The following FAM47E variants were observed in gnomAD, a reference collection of about 807,000 sequenced individuals.
The protein encoded by FAM47E is family with sequence similarity 47 member E.
Under a neutral mutation model 41.6 loss-of-function variants are expected in FAM47E, and 32 were observed. The observed-to-expected ratio is 0.77, with a 90% CI of 0.58 to 1.03. FAM47E has a LOEUF of 1.03. Ranked by LOEUF, FAM47E falls within the 50% of genes least tolerant of loss-of-function variation. The pLI, the probability that FAM47E is intolerant of heterozygous loss-of-function variation, is 0.00. For synonymous variants in FAM47E, 184 were observed against 188.7 expected (o/e 0.98, Z 0.20); for missense variants, 424 against 485.4 (o/e 0.87, Z 1.19).
At chr4:76,251,464 C>T (rs146916148), upstream of FAM47E, among the ~76,000 whole-genome samples, 14 of 152,286 alleles carry the variant, frequency 9.2e-5, no homozygotes, top group Non-Finnish European at 1.9e-4. Flanking sequence ...GAGCAAAAAA[C>T]GCCTGATCCA....
exon 1 of FAM47E, chr4:76,214,165 G>A (rs1578745121): frequency 2.2e-6 from 1 of 451,518 alleles, no homozygotes; most frequent in Non-Finnish European, 4.4e-6. Flanking sequence ...GGGATTCAAG[G>A]TGGCTGGGAC....
At chr4:76,249,210 A>C (rs1733898308), upstream of FAM47E, among the ~76,000 whole-genome samples, 1 of 152,134 alleles carries the variant, frequency 6.6e-6, no homozygotes, top group Non-Finnish European at 1.5e-5. Flanking sequence ...CCTGGGCAAC[A>C]GAGTGAGACT....
intron 2 of FAM47E, among the ~76,000 whole-genome samples, chr4:76,226,220 T>C (rs943779758): frequency 6.6e-6 from 1 of 152,090 alleles, no homozygotes; most frequent in African/African-American, 2.4e-5. Context: ...TACTATTTAC[T>C]GGTAATCAAA....
Position 76,221,715 on chromosome 4 carries a change from C to G in FAM47E, c.81+4027C>G, listed in dbSNP as rs1297140047. ...TAAAGAGCTAAGCATCAAACACACA[C>G]GGACACAAAGATGGGAACAATTGAC... On this transcript the variant is annotated intron_variant, in intron 2 of 7. Transcript: ENST00000510197. Among the ~76,000 whole-genome samples the G allele has an allele frequency of 2.0e-5, 3 of 152,154 alleles. No individual in the cohort carries two copies. In the South Asian group the frequency reaches 6.2e-4, roughly 32 times the overall value.
intron 5 of FAM47E, among the ~76,000 whole-genome samples, chr4:76,274,983 C>T (rs897681488): frequency 1.5e-4 from 23 of 152,208 alleles, no homozygotes; most frequent in African/African-American, 4.3e-4. Context: ...CTAGGGCAGT[C>T]GTGAGGCTTA....
intron 6 of FAM47E, chr4:76,279,350 G>T (rs1735256260): frequency 2.0e-5 from 3 of 152,108 alleles, no homozygotes; most frequent in Admixed American, 2.0e-4. Context: ...GGTATCTAGA[G>T]TTCTCTTTTT....
chr4:76,251,970 G>C (rs1402157860), intron 1 of FAM47E, 150 bp downstream of exon 1: 1 of 1,107,102 alleles, frequency 9.0e-7, no homozygotes, highest in Non-Finnish European at 1.2e-6. Context: ...ATAATACGCT[G>C]AGATAACCAA....
Position 76,230,005 on chromosome 4 carries a change from G to A in FAM47E, c.81+12317G>A, listed in dbSNP as rs113429997. Among the ~76,000 whole-genome samples the A allele has an allele frequency of 5.8e-3, 886 of 152,308 alleles. 11 individuals carry two copies. Among genetic ancestry groups the A allele is most frequent in the African/African-American group, 0.02 (830 of 41,548 alleles). ...GTGCTTTCAAGAGAGCACCAGCTAC[G>A]ATAGTAGAATGGGGATATAAGCTTG... On this transcript the variant is annotated intron_variant, in intron 2 of 7. Coordinates refer to the FAM47E transcript ENST00000510197.
intron 1 of FAM47E, among the ~76,000 whole-genome samples, chr4:76,255,700 A>G (rs1010472428): frequency 7.9e-5 from 12 of 152,258 alleles, no homozygotes; most frequent in Non-Finnish European, 1.8e-4. Context: ...GCGAATGGAG[A>G]GATGAAATGT....
chr4:76,266,822 G>A (rs1446149796), intron 3 of FAM47E, among the ~76,000 whole-genome samples: 2 of 152,098 alleles, frequency 1.3e-5, no homozygotes, highest in Non-Finnish European at 2.9e-5. Flanking sequence ...TCCGCTCCAC[G>A]GGACTTTGTG....
At chr4:76,237,373 G>GTT (rs766894880) in intron 2 of FAM47E, among the ~76,000 whole-genome samples, 2,586 of 126,874 alleles carry the variant, frequency 0.02, 103 homozygotes, top group African/African-American at 0.072. Context: ...TTGTTTGTTT[G>GTT]TTTGTTTTTT....
upstream of FAM47E, among the ~76,000 whole-genome samples, chr4:76,248,527 G>A (rs1438241450): frequency 1.3e-5 from 2 of 152,068 alleles, no homozygotes; most frequent in Non-Finnish European, 2.9e-5. Context: ...CTTGTTCCTA[G>A]TACTGTGCCT....
At chr4:76,228,226 C>CCAGCA (rs1341133260) in intron 2 of FAM47E, among the ~76,000 whole-genome samples, 4 of 151,858 alleles carry the variant, frequency 2.6e-5, no homozygotes, top group African/African-American at 9.7e-5. Context: ...ACCTGTAATC[C>CCAGCA]CAGCACTTGG....
At chr4:76,281,378 T>A (rs1006167575) in intron 7 of FAM47E, 4 of 152,118 alleles carry the variant, frequency 2.6e-5, no homozygotes, top group Non-Finnish European at 5.9e-5. Context: ...TTGGAGGAAC[T>A]CCTTTAGCTT....
At chr4:76,255,051 T>A in intron 1 of FAM47E, among the ~76,000 whole-genome samples, 1 of 152,158 alleles carries the variant, frequency 6.6e-6, no homozygotes, top group East Asian at 1.9e-4. Context: ...ATATGCCAAT[T>A]GGGGCTCCTT....
intron 2 of FAM47E, among the ~76,000 whole-genome samples, chr4:76,258,836 C>T (rs1339291834): frequency 2.6e-5 from 4 of 152,056 alleles, no homozygotes; most frequent in Non-Finnish European, 5.9e-5. Flanking sequence ...GGTAGGTGGA[C>T]CTATTACCTT....
chr4:76,256,565 C>T (rs1419878899), intron 2 of FAM47E, 42 bp downstream of exon 2: 17 of 1,487,480 alleles, frequency 1.1e-5, no homozygotes, highest in Non-Finnish European at 1.5e-5. Flanking sequence ...TCACTGGGGC[C>T]TTGCAAATAA....
At chr4:76,264,808 C>G (rs554135304) in intron 3 of FAM47E, among the ~76,000 whole-genome samples, 1 of 152,240 alleles carries the variant, frequency 6.6e-6, no homozygotes, top group Admixed American at 6.6e-5. Flanking sequence ...GTTGGCCAGC[C>G]TAGTCTTGAA....
chr4:76,252,269 GC>G (rs71212409), intron 1 of FAM47E, among the ~76,000 whole-genome samples: 6,284 of 152,226 alleles, frequency 0.041, 189 homozygotes, highest in Admixed American at 0.072. Flanking sequence ...GCCAAGTGGA[GC>G]CCAGGGTTGG....
Sources: allele counts gnomAD v4.1 joint callset (sites outside exome capture counted in the v4.1 genomes callset), GRCh38; gene constraint gnomAD v4.1.1; transcripts MANE v1.5; gene names NCBI Gene and HGNC (gene_info 2026-07-23, HGNC 2026-07-21).